The following NRG1 variants were observed in gnomAD, a reference collection of about 807,000 sequenced individuals.
NRG1 encodes pro-neuregulin-1, membrane-bound isoform.
Under a neutral mutation model 63.8 loss-of-function variants are expected in NRG1, and 18 were observed. The ratio of observed to expected loss-of-function variants is 0.28; its 90% confidence interval spans 0.19 to 0.42. NRG1 has a LOEUF of 0.42. NRG1 is among the 10% of genes least tolerant of loss of function. The pLI is 1.00. For missense variants in NRG1, 762 were observed against 814.7 expected, an observed-to-expected ratio of 0.94 and a Z score of 0.79; for synonymous variants, 302 against 301.3, an observed-to-expected ratio of 1.00 and a Z score of -0.02.
chr8:32,461,581 C>T (rs1356708931), intron 1 of NRG1, among the ~76,000 whole-genome samples: 2 of 152,010 alleles, frequency 1.3e-5, no homozygotes, highest in African/African-American at 4.8e-5. Context: ...GCCTGTAATC[C>T]CAGCTATTTG....
At chr8:32,739,592 A>G (rs1300204105) in intron 6 of NRG1, among the ~76,000 whole-genome samples, 4 of 152,330 alleles carry the variant, frequency 2.6e-5, no homozygotes, top group South Asian at 2.1e-4. Flanking sequence ...TTAGAAATTC[A>G]TAGCAGTTAG....
intron 1 of NRG1, among the ~76,000 whole-genome samples, chr8:31,656,383 A>G (rs1805439240): frequency 6.6e-6 from 1 of 152,190 alleles, no homozygotes; most frequent in African/African-American, 2.4e-5. Context: ...AAGAGTGCAC[A>G]TTGCATTTAG....
chr8:32,157,543 C>T (rs1994059), intron 1 of NRG1, among the ~76,000 whole-genome samples: 67,332 of 151,000 alleles, frequency 0.45, 16,804 homozygotes, highest in Admixed American at 0.56. Flanking sequence ...CCTGTAATCG[C>T]AGCTACTCGG....
chr8:31,863,253 A>G (rs182432202), intron 1 of NRG1, among the ~76,000 whole-genome samples: 152 of 152,330 alleles, frequency 1.0e-3, no homozygotes, highest in African/African-American at 3.6e-3. Flanking sequence ...ACATTCTCAT[A>G]GCTATAGAAT....
intron 1 of NRG1, among the ~76,000 whole-genome samples, chr8:31,997,023 C>A (rs1262723310): frequency 1.3e-5 from 2 of 151,792 alleles, no homozygotes; most frequent in Non-Finnish European, 2.9e-5. Flanking sequence ...GTTATTAAGG[C>A]AAACGTTTCT....
At chr8:32,695,242 G>A (rs964128944) in intron 5 of NRG1, among the ~76,000 whole-genome samples, 21 of 152,054 alleles carry the variant, frequency 1.4e-4, no homozygotes, top group African/African-American at 5.1e-4. Context: ...TGAGGAGGCT[G>A]AGGCAGAAGA....
At chr8:32,572,188 A>G (rs1340239044) in intron 1 of NRG1, among the ~76,000 whole-genome samples, 4 of 152,188 alleles carry the variant, frequency 2.6e-5, no homozygotes, top group African/African-American at 9.6e-5. Context: ...CATAAGTGGC[A>G]CACTCCTGAA....
chr8:32,091,580 C>T (rs1355904679), intron 1 of NRG1, among the ~76,000 whole-genome samples: 2 of 152,118 alleles, frequency 1.3e-5, no homozygotes, highest in African/African-American at 4.8e-5. Context: ...CTTTGTTTTT[C>T]TCACACTGCT....
chr8:32,746,853 G>A (rs528225010), intron 7 of NRG1, among the ~76,000 whole-genome samples: 1 of 145,478 alleles, frequency 6.9e-6, no homozygotes, highest in East Asian at 2.1e-4. Flanking sequence ...AATGAAAAGT[G>A]TTCGTGTATT....
intron 1 of NRG1, among the ~76,000 whole-genome samples, chr8:32,370,143 C>A (rs1383353794): frequency 6.6e-6 from 1 of 152,152 alleles, no homozygotes; most frequent in Non-Finnish European, 1.5e-5. Flanking sequence ...TGTTTCTAAG[C>A]ATTTTTGTTC....
At chr8:32,371,681 C>A (rs1051185156) in intron 1 of NRG1, among the ~76,000 whole-genome samples, 1 of 152,178 alleles carries the variant, frequency 6.6e-6, no homozygotes, top group Non-Finnish European at 1.5e-5. Context: ...TTGTCCTTTG[C>A]CTTCCCATTC....
chr8:31,955,411 T>C (rs327386), intron 1 of NRG1, among the ~76,000 whole-genome samples: 129,650 of 152,216 alleles, frequency 0.85, 56,027 homozygotes, highest in African/African-American at 0.96. Context: ...AATGTACAGT[T>C]TCAGAATCTC....
At chr8:31,738,590 T>G (rs2131387459) in intron 1 of NRG1, among the ~76,000 whole-genome samples, 1 of 152,208 alleles carries the variant, frequency 6.6e-6, no homozygotes, top group East Asian at 1.9e-4. Context: ...TATGTATGCA[T>G]TTCCTAAGGC....
At chr8:32,026,885 C>G (rs1199713219) in intron 1 of NRG1, among the ~76,000 whole-genome samples, 1 of 152,084 alleles carries the variant, frequency 6.6e-6, no homozygotes. Context: ...TCACTTTTCT[C>G]TAATTGCTTT....
rs566104691 is a variant in NRG1 at position 32,222,497 on chromosome 8, A to T, written c.38-373331A>T. On this transcript the variant is annotated intron_variant, in intron 1 of 10. Transcript: ENST00000519301. ...AGAAACAGAAAGAAAGAAAGAAAAAAAGAAAGAAACATAAAGAAATCTTGA... is the reference window on the plus strand; with the variant it reads ...AGAAACAGAAAGAAAGAAAGAAAAATAGAAAGAAACATAAAGAAATCTTGA... 5.9e-4 allele frequency among the ~76,000 whole-genome samples: 90 copies of T among 152,322 alleles called. 1 individual carries two copies. The highest frequency in any genetic ancestry group is 2.0e-3 in the African/African-American group (84 of 41,574).
At chr8:31,752,186 T>C (rs1816543737) in intron 1 of NRG1, among the ~76,000 whole-genome samples, 1 of 152,002 alleles carries the variant, frequency 6.6e-6, no homozygotes, top group Non-Finnish European at 1.5e-5. Flanking sequence ...GATGACTGTT[T>C]TGTGGAAGGC....
At chr8:31,828,139 C>T (rs532381860) in intron 1 of NRG1, among the ~76,000 whole-genome samples, 5 of 152,178 alleles carry the variant, frequency 3.3e-5, no homozygotes, top group Non-Finnish European at 7.3e-5. Flanking sequence ...TTGAAAGACT[C>T]ATGCAGGTAT....
chr8:32,665,347 GTAAAAATATTTCCCC>G (rs1803871778), intron 5 of NRG1, among the ~76,000 whole-genome samples: 1 of 152,078 alleles, frequency 6.6e-6, no homozygotes, highest in African/African-American at 2.4e-5. Flanking sequence ...ACAAAAAGAG[GTAAAAATATTTCCCC>G]TACAAAATTG....
At chr8:32,575,114 A>C (rs1839371702) in intron 1 of NRG1, among the ~76,000 whole-genome samples, 1 of 152,164 alleles carries the variant, frequency 6.6e-6, no homozygotes, top group Non-Finnish European at 1.5e-5. Context: ...CTCTTCTTCT[A>C]ACTCCAGCTT....
Sources: allele counts gnomAD v4.1 joint callset (sites outside exome capture counted in the v4.1 genomes callset), GRCh38; gene constraint gnomAD v4.1.1; transcripts MANE v1.5; gene names NCBI Gene and HGNC (gene_info 2026-07-23, HGNC 2026-07-21).